The following SLC9C2 variants were observed in gnomAD, a reference collection of about 807,000 sequenced individuals.
The protein encoded by SLC9C2 is solute carrier family 9 member C2 (putative), also known as sodium/hydrogen exchanger 11.
Under a neutral mutation model 140.2 loss-of-function variants are expected in SLC9C2, and 75 were observed. The ratio of observed to expected loss-of-function variants is 0.53; its 90% CI spans 0.44 to 0.65. The LOEUF (loss-of-function observed/expected upper bound fraction) is 0.65. SLC9C2 is among the 30% of genes least tolerant of loss of function. The pLI is 0.00. For missense variants in SLC9C2, 1,074 were observed against 1,331.8 expected (o/e 0.81, Z 3.01); for synonymous variants, 375 against 420.9 (o/e 0.89, Z 1.34).
intron 24 of SLC9C2, among the ~76,000 whole-genome samples, chr1:173,509,171 C>T (rs1659860633): frequency 6.6e-6 from 1 of 152,114 alleles, no homozygotes; most frequent in African/African-American, 2.4e-5. Context: ...GGGCCAGGCA[C>T]AGTGGCTCAC....
intron 21 of SLC9C2, among the ~76,000 whole-genome samples, chr1:173,521,795 G>A (rs1218241308): frequency 7.1e-6 from 1 of 141,650 alleles, no homozygotes; most frequent in Non-Finnish European, 1.5e-5. Flanking sequence ...CAATTCCCCT[G>A]CCTTCAGAAA....
At chr1:173,554,180 A>G (rs1663510960) in intron 11 of SLC9C2, among the ~76,000 whole-genome samples, 1 of 152,152 alleles carries the variant, frequency 6.6e-6, no homozygotes, top group South Asian at 2.1e-4. Flanking sequence ...TTGGCTGATC[A>G]TATCGCCAGC....
chr1:173,535,885 T>G lies in SLC9C2; in HGVS notation c.1720A>C (p.Asn574His), dbSNP rs1661915895. 2 of 1,514,688 alleles carry G rather than the reference T, an allele frequency of 1.3e-6. No individual in the cohort carries two copies. Among genetic ancestry groups the G allele is most frequent in the African/African-American group, 1.4e-5 (1 of 69,580 alleles). 93.8% of individuals were successfully genotyped at this position (1,514,688 alleles called of 1,614,324 possible). A position where few individuals can be genotyped will look rare whatever the true frequency, so the allele number is the denominator to read the frequency against. The change falls in exon 15 of 28, where the codon AAT (asparagine) becomes CAT (histidine). Residue 574 changes from asparagine to histidine, a missense_variant. Coordinates refer to ENST00000367714, the MANE Select transcript of SLC9C2 (RefSeq NM_178527.4). ...CAATATTCCAAGAAAGTTAAAACAT[T>G]TTTAAACTTTATAAGCCAACTTCTA... ...RTRSWLIKFK[N>H]VLTFLEYCIE...
chr1:173,528,543 G>A (rs1163689954), intron 18 of SLC9C2, among the ~76,000 whole-genome samples: 3 of 152,168 alleles, frequency 2.0e-5, no homozygotes, highest in Non-Finnish European at 4.4e-5. Context: ...CAACAGGACA[G>A]AATTCTGTTA....
Position 173,547,763 on chromosome 1 carries a change from C to A in SLC9C2, c.1483G>T (p.Asp495Tyr). ...YIPFSHVSHN[D>Y]MKTESTTDEA... ...TCTGTTGTGGATTCTGTCTTCATAT[C>A]ATTATGTGAAACGTGGGAAAACTGA... The change falls in exon 13 of 28, where the codon GAT becomes TAT. Residue 495 changes from aspartate to tyrosine, a missense_variant. By Grantham distance (160) the Asp-to-Tyr change is radical. Transcript: ENST00000367714. 6.2e-7 allele frequency: 1 copy of A among 1,611,758 alleles called. No individual in the cohort carries two copies. The highest frequency in any genetic ancestry group is 8.5e-7 in the Non-Finnish European group (1 of 1,178,428).
chr1:173,564,657 A>C (rs1458421967), intron 9 of SLC9C2, among the ~76,000 whole-genome samples: 1 of 87,846 alleles, frequency 1.1e-5, no homozygotes, highest in Admixed American at 1.5e-4. Context: ...TTTTTTTTTG[A>C]GATGGAGCCT....
Position 173,530,070 on chromosome 1 carries a change from G to T in SLC9C2, c.2164-16C>A. The stretch of plus-strand genomic sequence containing the variant: ...GTACTATTATCTGGAATAATGAGAA[G>T]AAGAAAAAAAAACCTGTACATTTGA... On this transcript the variant is annotated splice_polypyrimidine_tract_variant and intron_variant, in intron 17 of 27. Transcript: ENST00000367714. 1 of 1,558,038 alleles carries T rather than the reference G, an allele frequency of 6.4e-7. No individual in the cohort carries two copies. The highest frequency in any genetic ancestry group is 8.6e-7 in the Non-Finnish European group (1 of 1,161,756).
At chr1:173,511,474 T>TGTC (rs1327094868) in intron 23 of SLC9C2, among the ~76,000 whole-genome samples, 1 of 152,204 alleles carries the variant, frequency 6.6e-6, no homozygotes, top group East Asian at 1.9e-4. Flanking sequence ...TTTTGAAAGG[T>TGTC]GTCTGTTCAT....
intron 6 of SLC9C2, among the ~76,000 whole-genome samples, chr1:173,582,915 T>A (rs12724689): frequency 6.6e-6 from 1 of 152,256 alleles, no homozygotes; most frequent in Non-Finnish European, 1.5e-5. Context: ...AGTAAAGAAG[T>A]AATTCTGAGC....
intron 4 of SLC9C2, chr1:173,596,356 T>C (rs997398565): frequency 2.0e-5 from 3 of 152,192 alleles, no homozygotes; most frequent in Non-Finnish European, 4.4e-5. Flanking sequence ...CCCAAACTGT[T>C]TCCCAAAGTG....
chr1:173,583,764 A>T, intron 5 of SLC9C2, 142 bp from the exon 6 acceptor site: 1 of 513,160 alleles, frequency 1.9e-6, no homozygotes. Flanking sequence ...GGTCTGTAAG[A>T]CAATCACAAT....
At position 173,568,312 on chromosome 1, in the gene SLC9C2, T is replaced by G. The variant is rs10047166; in HGVS notation, c.1046+4870A>C. ...CCCACCTCAAGTAGATCTCAGTGTC[T>G]GTTGTTTCCTTCTTTGTATTCGTAA... On this transcript the variant is annotated intron_variant, in intron 9 of 27. Coordinates refer to ENST00000367714, the MANE Select transcript of SLC9C2 (RefSeq NM_178527.4). Among the ~76,000 whole-genome samples the G allele has an allele frequency of 9.2e-3, 1,393 of 152,240 alleles. 23 individuals are homozygous for G. Among genetic ancestry groups the G allele is most frequent in the African/African-American group, 0.032 (1,338 of 41,544 alleles).
In SLC9C2 at chr1:173,506,952, G is replaced by A. The variant is rs1164905651; in HGVS notation, c.3129C>T (p.Thr1043=). 1 of 1,612,852 alleles carries A rather than the reference G, an allele frequency of 6.2e-7. No homozygotes were observed. The highest frequency in any genetic ancestry group is 8.5e-7 in the Non-Finnish European group (1 of 1,179,410). The stretch of plus-strand genomic sequence containing the variant: ...CATACACAATGATAACAAATTTCAT[G>A]GTCATATTATCAATAATCATGTCAC... The part of the protein sequence containing the change: ...SYSDMIIDNM[T]MKFVIIVYGS... The change falls in exon 25 of 28, where the codon ACC becomes ACT. Residue 1043 remains threonine, a synonymous_variant. Coordinates refer to ENST00000367714, the MANE Select transcript of SLC9C2 (RefSeq NM_178527.4).
chr1:173,517,373 G>A (rs1317588215), intron 23 of SLC9C2, among the ~76,000 whole-genome samples, 164 bp downstream of exon 23: 1 of 152,162 alleles, frequency 6.6e-6, no homozygotes, highest in African/African-American at 2.4e-5. Context: ...GTGGAGCTTG[G>A]CAGAGCCTGG....
At chr1:173,579,712 G>A (rs1183986692) in intron 7 of SLC9C2, among the ~76,000 whole-genome samples, 1 of 152,178 alleles carries the variant, frequency 6.6e-6, no homozygotes, top group South Asian at 2.1e-4. Context: ...GTAAACATTT[G>A]ATTTGAATTG....
intron 17 of SLC9C2, 143 bp from the exon 18 acceptor site, chr1:173,530,197 C>A: frequency 1.5e-6 from 1 of 673,360 alleles, no homozygotes; most frequent in South Asian, 2.1e-5. Flanking sequence ...TCTCAGGTCC[C>A]ACTGGAGACC....
intron 17 of SLC9C2, among the ~76,000 whole-genome samples, chr1:173,530,349 A>C (rs1004151242): frequency 1.2e-4 from 19 of 152,150 alleles, no homozygotes; most frequent in African/African-American, 4.3e-4. Flanking sequence ...CTTTAGGGGA[A>C]AGTCTCTAGC....
At chr1:173,529,815 GT>G in intron 18 of SLC9C2, 89 bp downstream of exon 18, 1 of 1,421,918 alleles carries the variant, frequency 7.0e-7, no homozygotes, top group East Asian at 2.3e-5. Context: ...GAATTTGTCT[GT>G]TTCGTCAAAC....
At chr1:173,535,075 C>T (rs1661844974) in intron 15 of SLC9C2, among the ~76,000 whole-genome samples, 1 of 152,012 alleles carries the variant, frequency 6.6e-6, no homozygotes, top group African/African-American at 2.4e-5. Context: ...TAAAACTTTT[C>T]ATTCCATCTA....
Sources: allele counts gnomAD v4.1 joint callset (sites outside exome capture counted in the v4.1 genomes callset), GRCh38; gene constraint gnomAD v4.1.1; transcripts MANE v1.5; gene names NCBI Gene and HGNC (gene_info 2026-07-23, HGNC 2026-07-21).